Variants in DPF3 observed in about 807,000 individuals in gnomAD.
DPF3 encodes double PHD fingers 3, also known as zinc finger protein DPF3.
In DPF3, 18 loss-of-function variants were observed where a neutral mutation model predicts 56.8. The ratio of observed to expected loss-of-function variants is 0.32; its 90% CI spans 0.22 to 0.47. The LOEUF (loss-of-function observed/expected upper bound fraction) is 0.47. Ranked by LOEUF, DPF3 falls within the 20% of genes least tolerant of loss-of-function variation. The probability of loss-of-function intolerance (pLI) is 1.00; values close to 1 mark genes in which losing one functional copy is unlikely to be tolerated. For synonymous variants in DPF3, 188 were observed against 180.2 expected, an observed-to-expected ratio of 1.04 and a Z score of -0.35; for missense variants, 403 against 488.8, an observed-to-expected ratio of 0.82 and a Z score of 1.65.
Position 72,730,186 on chromosome 14 carries a change from A to G in DPF3, c.429+1621T>C, listed in dbSNP as rs918869431. 5.9e-5 allele frequency among the ~76,000 whole-genome samples: 9 copies of G among 152,080 alleles called. No individual in the cohort carries two copies. In the East Asian group the frequency reaches 1.4e-3, roughly 23 times the overall value. On this transcript the variant is annotated intron_variant, in intron 4 of 10. Coordinates refer to ENST00000556509, the MANE Select transcript of DPF3 (RefSeq NM_001280542.3). The stretch of plus-strand genomic sequence containing the variant: ...TGAGAGCAGCTTGGGCCAGGGTAGC[A>G]GTGGTGGGTGCGGGGAGAGGGGATG...
intron 1 of DPF3, among the ~76,000 whole-genome samples, chr14:72,820,256 G>C (rs988498794): frequency 3.9e-5 from 6 of 152,116 alleles, no homozygotes; most frequent in Admixed American, 1.3e-4. Flanking sequence ...TATACAAAAT[G>C]TCATGCAAAT....
At chr14:72,726,358 G>A (rs1007789983) in intron 4 of DPF3, among the ~76,000 whole-genome samples, 7 of 152,162 alleles carry the variant, frequency 4.6e-5, no homozygotes, top group Admixed American at 2.0e-4. Flanking sequence ...ACTCTGGGTT[G>A]GAAGGTGAAA....
chr14:72,662,074 GT>G (rs1187127581), intron 8 of DPF3: 22 of 984,964 alleles, frequency 2.2e-5, no homozygotes, highest in Non-Finnish European at 2.5e-5. Flanking sequence ...CTGCTGATTT[GT>G]GGCTAAGTTA....
chr14:72,774,704 T>C (rs1490938220), intron 1 of DPF3, among the ~76,000 whole-genome samples: 1 of 152,108 alleles, frequency 6.6e-6, no homozygotes, highest in Non-Finnish European at 1.5e-5. Context: ...AAGGGAGGCA[T>C]AATACGCTCA....
intron 1 of DPF3, among the ~76,000 whole-genome samples, chr14:72,862,621 C>A (rs1011862242): frequency 2.6e-5 from 4 of 152,266 alleles, no homozygotes; most frequent in Middle Eastern, 6.8e-3. Context: ...TCTCACTCTG[C>A]ACCAGCCACA....
At chr14:72,649,232 AT>A (rs1241437037) in intron 8 of DPF3, among the ~76,000 whole-genome samples, 1 of 152,126 alleles carries the variant, frequency 6.6e-6, no homozygotes, top group Non-Finnish European at 1.5e-5. Context: ...TTAGGAAAGG[AT>A]TTTGTGGGAA....
chr14:72,713,770 C>T (rs1223534383), intron 6 of DPF3, among the ~76,000 whole-genome samples: 1 of 152,182 alleles, frequency 6.6e-6, no homozygotes, highest in Non-Finnish European at 1.5e-5. Context: ...CGAGGTCCAC[C>T]CACTGCCCTG....
intron 1 of DPF3, among the ~76,000 whole-genome samples, chr14:72,772,916 GGAA>G (rs1400436989): frequency 1.3e-5 from 2 of 152,070 alleles, no homozygotes; most frequent in African/African-American, 2.4e-5. Context: ...GTGGAGTGTG[GGAA>G]GAAGAAGTAG....
intron 7 of DPF3, among the ~76,000 whole-genome samples, chr14:72,688,902 G>A (rs570584881): frequency 6.6e-6 from 1 of 152,340 alleles, no homozygotes; most frequent in Non-Finnish European, 1.5e-5. Flanking sequence ...TGAGCTCCAA[G>A]CATCCCTGGC....
chr14:72,673,644 G>A (rs566547478), intron 8 of DPF3, among the ~76,000 whole-genome samples: 1 of 152,200 alleles, frequency 6.6e-6, no homozygotes, highest in Non-Finnish European at 1.5e-5. Context: ...CAAATCAACT[G>A]CAGATTAGCC....
intron 8 of DPF3, among the ~76,000 whole-genome samples, chr14:72,652,139 G>A (rs920837195): frequency 1.3e-5 from 2 of 152,200 alleles, no homozygotes; most frequent in Non-Finnish European, 2.9e-5. Context: ...CTGGGGTAAC[G>A]TGGAATTGAC....
intron 6 of DPF3, among the ~76,000 whole-genome samples, chr14:72,694,125 A>ATT (rs2153573146): frequency 6.6e-6 from 1 of 152,330 alleles, no homozygotes; most frequent in South Asian, 2.1e-4. Context: ...AGTTCCTGGG[A>ATT]AGCAGAAGTC....
At chr14:72,813,818 G>A (rs919313839) in intron 1 of DPF3, among the ~76,000 whole-genome samples, 9 of 152,284 alleles carry the variant, frequency 5.9e-5, no homozygotes, top group East Asian at 3.9e-4. Context: ...GCTGGGGCTC[G>A]AGCACAGAGA....
intron 1 of DPF3, among the ~76,000 whole-genome samples, chr14:72,805,351 T>C (rs1882720583): frequency 6.6e-6 from 1 of 151,486 alleles, no homozygotes; most frequent in Non-Finnish European, 1.5e-5. Context: ...GTAACTGTAA[T>C]CCCAGCTACT....
At chr14:72,838,397 G>A (rs766317385) in intron 1 of DPF3, among the ~76,000 whole-genome samples, 5 of 152,210 alleles carry the variant, frequency 3.3e-5, no homozygotes, top group Non-Finnish European at 5.9e-5. Context: ...AGAAGGCTGA[G>A]GCAGGAGAAT....
chr14:72,892,723 C>A, intron 1 of DPF3: 1 of 996,100 alleles, frequency 1.0e-6, no homozygotes, highest in Non-Finnish European at 1.2e-6. Context: ...GCCCCCCACC[C>A]GACCTGCACC....
intron 9 of DPF3, among the ~76,000 whole-genome samples, chr14:72,628,691 T>G (rs1884984858): frequency 6.7e-6 from 1 of 149,136 alleles, no homozygotes; most frequent in African/African-American, 2.5e-5. Flanking sequence ...GAGAGAGAGA[T>G]AAAGACAGAC....
At chr14:72,669,501 C>T (rs1886578703) in intron 8 of DPF3, among the ~76,000 whole-genome samples, 1 of 152,142 alleles carries the variant, frequency 6.6e-6, no homozygotes, top group African/African-American at 2.4e-5. Context: ...GAAATTGGTA[C>T]CGAGAGTAAG....
chr14:72,779,117 C>T (rs543345897), intron 1 of DPF3, among the ~76,000 whole-genome samples: 1 of 152,330 alleles, frequency 6.6e-6, no homozygotes, highest in South Asian at 2.1e-4. Flanking sequence ...CAGTAAGTCT[C>T]CATTGAAAAG....
Sources: gnomAD v4.1 joint callset for allele counts (sites outside exome capture counted in the v4.1 genomes callset) on GRCh38, gnomAD v4.1.1 for gene constraint, MANE v1.5 for transcripts, NCBI Gene and HGNC (gene_info 2026-07-23, HGNC 2026-07-21) for gene names.